SMYD3: variants seen among roughly 807,000 people sequenced by gnomAD.
SMYD3 encodes SET and MYND domain containing 3.
Under a neutral mutation model 57.7 loss-of-function variants are expected in SMYD3, and 36 were observed. The ratio of observed to expected loss-of-function variants is 0.62; its 90% confidence interval spans 0.48 to 0.82. SMYD3 has a LOEUF of 0.82. SMYD3 is among the 40% of genes least tolerant of loss of function. The pLI, the probability that SMYD3 is intolerant of heterozygous loss-of-function variation, is 0.00. For missense variants in SMYD3, 515 were observed against 538.8 expected (o/e 0.96, Z 0.44); for synonymous variants, 211 against 195.0 (o/e 1.08, Z -0.68).
At position 245,948,716 on chromosome 1, in the gene SMYD3, C is replaced by T. The variant is rs184309922; in HGVS notation, c.532-18779G>A. ...CCTCCACCACAGCCACTGCTGGCTC[C>T]TGCTGCTGCCAGGGCTGAAGCACAA... On this transcript the variant is annotated intron_variant, in intron 5 of 11. Transcript: ENST00000490107. Among the ~76,000 whole-genome samples the T allele has an allele frequency of 2.1e-3, 326 of 152,334 alleles. 4 individuals are homozygous for T. Among genetic ancestry groups the T allele is most frequent in the African/African-American group, 7.3e-3 (302 of 41,566 alleles).
At chr1:246,175,781 C>T (rs1245740956) in intron 5 of SMYD3, among the ~76,000 whole-genome samples, 1 of 152,162 alleles carries the variant, frequency 6.6e-6, no homozygotes, top group Non-Finnish European at 1.5e-5. Context: ...GAGAATATGT[C>T]AATCACCTAA....
intron 1 of SMYD3, among the ~76,000 whole-genome samples, chr1:246,411,348 G>T (rs2066964758): frequency 6.6e-6 from 1 of 152,208 alleles, no homozygotes; most frequent in Non-Finnish European, 1.5e-5. Context: ...AGGATGTGGA[G>T]AAGTAGGAAC....
chr1:246,274,738 C>T (rs1558368626), intron 5 of SMYD3, among the ~76,000 whole-genome samples: 1 of 152,040 alleles, frequency 6.6e-6, no homozygotes, highest in Non-Finnish European at 1.5e-5. Context: ...ACAAAAAGCA[C>T]CTTTCTCTGA....
At chr1:246,176,917 T>C (rs946812199) in intron 5 of SMYD3, among the ~76,000 whole-genome samples, 3 of 152,142 alleles carry the variant, frequency 2.0e-5, no homozygotes, top group Admixed American at 1.3e-4. Flanking sequence ...AATGCACGTA[T>C]AACATACAAA....
intron 5 of SMYD3, among the ~76,000 whole-genome samples, chr1:245,963,595 A>C (rs879826144): frequency 6.6e-6 from 1 of 151,922 alleles, no homozygotes; most frequent in Non-Finnish European, 1.5e-5. Context: ...AAATTCCCTT[A>C]TGCTTCCAGT....
chr1:246,266,860 C>T (rs371059673), intron 5 of SMYD3, among the ~76,000 whole-genome samples: 5 of 151,654 alleles, frequency 3.3e-5, no homozygotes, highest in East Asian at 3.9e-4. Context: ...AATACTTTTT[C>T]GAGTAAAACC....
chr1:245,930,484 T>G, intron 5 of SMYD3: 1 of 286,686 alleles, frequency 3.5e-6, no homozygotes, highest in Non-Finnish European at 6.7e-6. Flanking sequence ...AGCCATGGTA[T>G]TTACCAGGAG....
chr1:246,034,025 T>C (rs186826465), intron 5 of SMYD3, among the ~76,000 whole-genome samples: 2 of 152,272 alleles, frequency 1.3e-5, no homozygotes, highest in East Asian at 3.9e-4. Context: ...ACTGCAAAGA[T>C]TAAATATATA....
chr1:246,296,381 G>T (rs2064795748), intron 5 of SMYD3, among the ~76,000 whole-genome samples: 1 of 152,158 alleles, frequency 6.6e-6, no homozygotes, highest in Admixed American at 6.5e-5. Context: ...TGTCTAGAAT[G>T]ACAACCAGAA....
intron 5 of SMYD3, among the ~76,000 whole-genome samples, chr1:246,244,364 G>T (rs1343996113): frequency 6.6e-6 from 1 of 151,834 alleles, no homozygotes; most frequent in Non-Finnish European, 1.5e-5. Flanking sequence ...CTAGAGAGAA[G>T]GATTCTACTT....
intron 5 of SMYD3, among the ~76,000 whole-genome samples, chr1:246,186,468 T>C (rs1558298657): frequency 6.6e-6 from 1 of 152,094 alleles, no homozygotes; most frequent in African/African-American, 2.4e-5. Context: ...AGACAAAACA[T>C]GCTCTTTTTT....
At chr1:246,440,600 T>C (rs966705892) in intron 1 of SMYD3, among the ~76,000 whole-genome samples, 7 of 152,104 alleles carry the variant, frequency 4.6e-5, no homozygotes, top group Non-Finnish European at 1.0e-4. Flanking sequence ...TAGAAGTATA[T>C]ATCTATGAAA....
intron 5 of SMYD3, among the ~76,000 whole-genome samples, chr1:246,168,716 C>T (rs1226757536): frequency 6.6e-6 from 1 of 152,166 alleles, no homozygotes; most frequent in Non-Finnish European, 1.5e-5. Flanking sequence ...TGCCCACACA[C>T]AAAAATTCGT....
At chr1:246,008,744 C>T (rs1244934942) in intron 5 of SMYD3, among the ~76,000 whole-genome samples, 7 of 152,042 alleles carry the variant, frequency 4.6e-5, no homozygotes, top group African/African-American at 7.3e-5. Flanking sequence ...TTCTCGGTTT[C>T]GTTTTTTCAT....
At chr1:245,988,746 T>A (rs1485684333) in intron 5 of SMYD3, among the ~76,000 whole-genome samples, 1 of 152,240 alleles carries the variant, frequency 6.6e-6, no homozygotes, top group Non-Finnish European at 1.5e-5. Flanking sequence ...ATGGTGTTCC[T>A]CTGGCAGAGA....
chr1:245,936,766 GCACC>G (rs754824137), intron 5 of SMYD3, among the ~76,000 whole-genome samples: 1 of 23,662 alleles, frequency 4.2e-5, no homozygotes, highest in South Asian at 9.2e-4. Flanking sequence ...ATGATGCCAT[GCACC>G]TACCTGTAGG....
At chr1:246,015,570 C>T (rs1055902582) in intron 5 of SMYD3, among the ~76,000 whole-genome samples, 1 of 152,178 alleles carries the variant, frequency 6.6e-6, no homozygotes, top group African/African-American at 2.4e-5. Context: ...AAACCTGAAA[C>T]TCTGTGCCCA....
chr1:245,926,205 A>G (rs1369089532), intron 7 of SMYD3, among the ~76,000 whole-genome samples: 1 of 152,220 alleles, frequency 6.6e-6, no homozygotes, highest in Non-Finnish European at 1.5e-5. Context: ...AGCATCAGCA[A>G]GAATTTGGGG....
intron 1 of SMYD3, among the ~76,000 whole-genome samples, chr1:246,443,715 A>G (rs1295974868): frequency 2.0e-5 from 3 of 152,312 alleles, no homozygotes; most frequent in South Asian, 2.1e-4. Flanking sequence ...TTTTAGGTTG[A>G]CATGTTAATT....
Sources: gnomAD v4.1 joint callset for allele counts (sites outside exome capture counted in the v4.1 genomes callset) on GRCh38, gnomAD v4.1.1 for gene constraint, MANE v1.5 for transcripts, NCBI Gene and HGNC (gene_info 2026-07-23, HGNC 2026-07-21) for gene names.